Variants in RECQL5 observed in about 807,000 individuals in gnomAD.
The protein encoded by RECQL5 is ATP-dependent DNA helicase Q5.
A neutral mutation model predicts 103.4 loss-of-function variants in RECQL5; 88 were observed. The observed-to-expected ratio is 0.85, with a 90% confidence interval of 0.72 to 1.02. The LOEUF (loss-of-function observed/expected upper bound fraction) is 1.02. RECQL5 is among the 50% of genes least tolerant of loss of function. The probability of loss-of-function intolerance (pLI) is 0.00; values close to 1 mark genes in which losing one functional copy is unlikely to be tolerated. For synonymous variants in RECQL5, 552 were observed against 507.9 expected (o/e 1.09, Z -1.17); for missense variants, 1,232 against 1,284.3 (o/e 0.96, Z 0.62).
At position 75,628,982 on chromosome 17, in the gene RECQL5, T is replaced by G. The variant is rs375979344; in HGVS notation, c.2441A>C (p.His814Pro). Reference sequence around the variant, plus strand: ...CTCAGTCTGGGGAGGGGCAGGCGAATGTCCCCCGGCTCCATCTTCCTCCCC... The same window carrying G: ...CTCAGTCTGGGGAGGGGCAGGCGAAGGTCCCCCGGCTCCATCTTCCTCCCC... ...YTGEEDGAGG[H>P]SPAPPQTEEC... is the part of the protein sequence containing the mutation. The change falls in exon 16 of 20, where the codon CAT becomes CCT. Residue 814 changes from histidine (H) to proline (P), a missense_variant. By Grantham distance (77) the His-to-Pro change is moderately conservative (BLOSUM62 -2). Coordinates refer to ENST00000317905, the MANE Select transcript of RECQL5 (RefSeq NM_004259.7). 4.5e-6 allele frequency: 7 copies of G among 1,563,388 alleles called. 1 individual carries two copies. In the South Asian group the frequency reaches 8.5e-5, roughly 19 times the overall value.
At position 75,640,402 on chromosome 17, in the gene RECQL5, G is replaced by A; in HGVS notation, c.1230-8734C>T. 1 of 1,456,356 alleles carries A rather than the reference G, an allele frequency of 6.9e-7. No homozygotes were observed. The allele number at this position is 1,456,356 out of a possible 1,614,324, so 90.2% of individuals were successfully genotyped here. A position where few individuals can be genotyped will look rare whatever the true frequency, so the allele number is the denominator to read the frequency against. On this transcript the variant is annotated intron_variant, in intron 8 of 19. Coordinates refer to ENST00000317905, the MANE Select transcript of RECQL5 (RefSeq NM_004259.7). The surrounding 1 kb of genome is among the most constrained non-coding windows in gnomAD (Gnocchi z 4.6). ...AGACCACACCATGGTGCCAGCCAGA[G>A]GGCTGGCAGAGGTGGCGGGTGTCTG...
At chr17:75,635,733 A>G in intron 8 of RECQL5, 5 of 940,392 alleles carry the variant, frequency 5.3e-6, no homozygotes, top group Non-Finnish European at 6.3e-6. Context: ...GGCAAGGGTG[A>G]CTAAAACCCA....
At position 75,650,506 on chromosome 17, in the gene RECQL5, AATTT is replaced by A. The variant is rs564503984; in HGVS notation, c.1229+676_1229+679del. 366 of 1,419,626 alleles carry A rather than the reference AATTT, an allele frequency of 2.6e-4. No homozygotes were observed. The South Asian group carries it at 5.2e-3, about 20-fold the overall frequency. 87.9% of individuals were successfully genotyped at this position (1,419,626 alleles called of 1,614,324 possible). On this transcript the variant is annotated intron_variant, in intron 8 of 19. Coordinates refer to ENST00000317905, the MANE Select transcript of RECQL5 (RefSeq NM_004259.7). ...CGTGACTGTGACCTCTCTGGACCTC[AATTT>A]ATTCACCTCTAAGTCTGAAGCAATC...
chr17:75,640,640 G>A lies in RECQL5; in HGVS notation c.1230-8972C>T, dbSNP rs977237781. Reference sequence around the variant, plus strand: ...GGCCCTGGCGGCTGGCATGGGGACCGTCCGCACCTCTCACCAGCCTCTCGG... The same window carrying A: ...GGCCCTGGCGGCTGGCATGGGGACCATCCGCACCTCTCACCAGCCTCTCGG... On this transcript the variant is annotated intron_variant, in intron 8 of 19. Transcript: ENST00000317905. This position sits in a 1 kb window ranked among gnomAD's most constrained non-coding sequence, Gnocchi z 4.6. The A allele has an allele frequency of 9.7e-6, 14 of 1,443,598 alleles. No individual in the cohort carries two copies. In the East Asian group the frequency reaches 1.0e-4, roughly 10 times the overall value. The allele number at this position is 1,443,598 out of a possible 1,614,324, so 89.4% of individuals were successfully genotyped here. A position where few individuals can be genotyped will look rare whatever the true frequency, so the allele number is the denominator to read the frequency against.
At chr17:75,660,153 G>A (rs535549616) in intron 6 of RECQL5, among the ~76,000 whole-genome samples, 23 of 151,834 alleles carry the variant, frequency 1.5e-4, no homozygotes, top group African/African-American at 4.3e-4. Flanking sequence ...TGCAACCTCC[G>A]CCTCCCGGGC....
chr17:75,655,358 C>G (rs551387660), intron 7 of RECQL5, among the ~76,000 whole-genome samples: 232 of 150,240 alleles, frequency 1.5e-3, no homozygotes, highest in African/African-American at 5.4e-3. Context: ...AGCATGAGCC[C>G]CTGCGCCTGG....
chr17:75,640,728 G>T lies in RECQL5; in HGVS notation c.1230-9060C>A. On this transcript the variant is annotated intron_variant, in intron 8 of 19. Coordinates refer to ENST00000317905, the MANE Select transcript of RECQL5 (RefSeq NM_004259.7). This position sits in a 1 kb window ranked among gnomAD's most constrained non-coding sequence, Gnocchi z 4.6. ...CCTGGCAGGCAGTGGGTTTCTCTGG[G>T]AGGAGGGTGGGCATCCTTTCTCTCC... 1.3e-6 allele frequency: 2 copies of T among 1,525,676 alleles called. No homozygotes were observed. The highest frequency in any genetic ancestry group is 8.8e-7 in the Non-Finnish European group (1 of 1,130,974). The allele number at this position is 1,525,676 out of a possible 1,614,324, so 94.5% of individuals were successfully genotyped here.
Position 75,661,067 on chromosome 17 carries a change from C to T in RECQL5, c.875-1G>A. On this transcript the variant is annotated splice_acceptor_variant, in intron 5 of 19. Coordinates refer to ENST00000317905, the MANE Select transcript of RECQL5 (RefSeq NM_004259.7). LOFTEE classifies it high-confidence loss of function. Reference sequence around the variant, plus strand: ...AGCGTTCTTTCAGAGGCCTTCAGCCCTGTAAAGGAGGGGAAGATGGAGAAG... The same window carrying T: ...AGCGTTCTTTCAGAGGCCTTCAGCCTTGTAAAGGAGGGGAAGATGGAGAAG... 1 of 1,612,478 alleles carries T rather than the reference C, an allele frequency of 6.2e-7. No homozygotes were observed. The highest frequency in any genetic ancestry group is 8.5e-7 in the Non-Finnish European group (1 of 1,178,482).
chr17:75,658,849 T>A (rs1248173248), intron 6 of RECQL5, among the ~76,000 whole-genome samples: 2 of 152,204 alleles, frequency 1.3e-5, no homozygotes, highest in Admixed American at 1.3e-4. Context: ...ACCTCCTATG[T>A]GCCAGTTTAT....
intron 2 of RECQL5, among the ~76,000 whole-genome samples, chr17:75,665,676 C>G (rs1411872131): frequency 4.1e-5 from 5 of 120,524 alleles, no homozygotes; most frequent in Non-Finnish European, 8.1e-5. Context: ...GGCGACAGAG[C>G]AAGACTCTGT....
chr17:75,630,842 G>GGGC lies in RECQL5; in HGVS notation c.1586-6_1586-5insGCC. On this transcript the variant is annotated splice_region_variant and splice_polypyrimidine_tract_variant and intron_variant, in intron 11 of 19. Transcript: ENST00000317905. ...CTTTCAGGGGACAGTTCTCATCTGT[G>GGGC]GGGGGGGGGGGTGGTCCTTGGTCCT... 8.0e-7 allele frequency: 1 copy of GGGC among 1,255,408 alleles called. No homozygotes were observed. The highest frequency in any genetic ancestry group is 2.3e-5 in the African/African-American group (1 of 43,080). 77.8% of individuals were successfully genotyped at this position (1,255,408 alleles called of 1,614,324 possible).
intron 8 of RECQL5, among the ~76,000 whole-genome samples, chr17:75,645,392 T>C (rs1204528251): frequency 6.6e-6 from 1 of 152,232 alleles, no homozygotes; most frequent in African/African-American, 2.4e-5. Context: ...AGTTACTTAC[T>C]AGCTGATGAC....
Position 75,666,458 on chromosome 17 carries a change from G to A in RECQL5, c.100C>T (p.Gln34Ter), listed in dbSNP as rs771752520. 7.4e-6 allele frequency: 12 copies of A among 1,614,126 alleles called. No homozygotes were observed. The highest frequency in any genetic ancestry group is 4.0e-5 in the African/African-American group (3 of 75,016). The change falls in exon 2 of 20, where the codon CAG (glutamine) becomes TAG (stop). Residue 34 changes from glutamine (Q) to a stop codon, truncating the protein, a stop_gained. Coordinates refer to ENST00000317905, the MANE Select transcript of RECQL5 (RefSeq NM_004259.7). LOFTEE classifies it high-confidence loss of function. ...FGFDSFKTPL[Q>*]ESATMAVVKG... ...ACTACAGCCATGGTCGCACTCTCCT[G>A]TAAAGGCGTCTTAAAAGAGTCAAAC...
At position 75,627,071 on chromosome 17, in the gene RECQL5, G is replaced by C. The variant is rs1299909681; in HGVS notation, c.*351C>G. 1.7e-5 allele frequency: 8 copies of C among 459,208 alleles called. No homozygotes were observed. In the Admixed American group the frequency reaches 2.0e-4, roughly 11 times the overall value. 28.4% of individuals were successfully genotyped at this position (459,208 alleles called of 1,614,324 possible). ...TCCCCTGGGTAGGTTCCGATACCTT[G>C]GACAGGTGGGCCTCATCCTGACTTA... is the stretch of plus-strand genomic sequence containing the variant. On this transcript the variant is annotated 3_prime_UTR_variant, in exon 20 of 20. Coordinates refer to ENST00000317905, the MANE Select transcript of RECQL5 (RefSeq NM_004259.7).
chr17:75,631,722 T>G, intron 8 of RECQL5, 54 bp from the exon 9 acceptor site: 1 of 1,579,208 alleles, frequency 6.3e-7, no homozygotes, highest in South Asian at 1.1e-5. Context: ...TCGGCCAGCG[T>G]CTGTTCACCC....
chr17:75,632,207 C>G (rs1408778043), intron 8 of RECQL5, among the ~76,000 whole-genome samples: 1 of 152,188 alleles, frequency 6.6e-6, no homozygotes, highest in Admixed American at 6.5e-5. Context: ...TTCTACTGTA[C>G]TTTTTCTATG....
chr17:75,630,360 G>C (rs953416024), intron 13 of RECQL5, 83 bp from the exon 14 acceptor site: 1 of 1,269,288 alleles, frequency 7.9e-7, no homozygotes, highest in Non-Finnish European at 1.1e-6. Flanking sequence ...TCCAGGCCTG[G>C]TGGGGTAGGC....
At chr17:75,659,048 T>C (rs1424027528) in intron 6 of RECQL5, among the ~76,000 whole-genome samples, 1 of 152,026 alleles carries the variant, frequency 6.6e-6, no homozygotes. Flanking sequence ...TTCATTTTAT[T>C]TATTTTGCTT....
At chr17:75,641,108 A>G in intron 8 of RECQL5, 1 of 845,726 alleles carries the variant, frequency 1.2e-6, no homozygotes, top group Non-Finnish European at 1.7e-6. Flanking sequence ...GCCAGTGGAC[A>G]CTGGGTGCTG....
Sources: gnomAD v4.1 joint callset for allele counts (sites outside exome capture counted in the v4.1 genomes callset) on GRCh38, gnomAD v4.1.1 for gene constraint, Gnocchi (gnomAD v3.1) non-coding constraint, MANE v1.5 for transcripts, NCBI Gene and HGNC (gene_info 2026-07-23, HGNC 2026-07-21) for gene names.